SYTL3: variants seen among roughly 807,000 people sequenced by gnomAD.
The protein encoded by SYTL3 is synaptotagmin-like protein 3.
Under a neutral mutation model 82.1 loss-of-function variants are expected in SYTL3, and 88 were observed. The observed-to-expected ratio is 1.07, with a 90% confidence interval of 0.90 to 1.28. SYTL3 has a LOEUF of 1.28. Among genes scored for constraint, SYTL3 ranks in the 50% most tolerant of loss-of-function variants. The pLI is 0.00. For synonymous variants in SYTL3, 311 were observed against 289.4 expected (o/e 1.07, Z -0.76); for missense variants, 831 against 757.6 (o/e 1.10, Z -1.14).
At chr6:158,762,724 C>T (rs77380797) in intron 16 of SYTL3, among the ~76,000 whole-genome samples, 15,831 of 152,040 alleles carry the variant, frequency 0.1, 1,450 homozygotes, top group African/African-American at 0.25. Context: ...CAAAACTAGC[C>T]TGGCCAACAT....
intron 5 of SYTL3, 71 bp downstream of exon 5, chr6:158,665,684 C>T: frequency 8.4e-7 from 1 of 1,193,472 alleles, no homozygotes; most frequent in Admixed American, 2.5e-5. Context: ...ACAAACCGCT[C>T]ATAAAGAGAG....
intron 17 of SYTL3, among the ~76,000 whole-genome samples, chr6:158,763,754 G>C (rs1278149886): frequency 6.6e-6 from 1 of 152,108 alleles, no homozygotes; most frequent in Non-Finnish European, 1.5e-5. Context: ...CCTCCAAACG[G>C]GCTAGGTACA....
At chr6:158,712,100 T>C (rs1782824069) in intron 8 of SYTL3, among the ~76,000 whole-genome samples, 1 of 152,170 alleles carries the variant, frequency 6.6e-6, no homozygotes, top group Non-Finnish European at 1.5e-5. Context: ...AGTTCAAAGC[T>C]GAAAGCCTCA....
At chr6:158,761,618 A>G (rs1036244696) in intron 15 of SYTL3, among the ~76,000 whole-genome samples, 2 of 152,088 alleles carry the variant, frequency 1.3e-5, no homozygotes, top group South Asian at 2.1e-4. Context: ...CAGAATGCAC[A>G]TTTCTGTTGT....
chr6:158,747,146 C>G (rs1787767093), intron 12 of SYTL3, among the ~76,000 whole-genome samples: 1 of 151,800 alleles, frequency 6.6e-6, no homozygotes, highest in Non-Finnish European at 1.5e-5. Flanking sequence ...GCCACCACAC[C>G]TGGCTAATTT....
intron 12 of SYTL3, among the ~76,000 whole-genome samples, chr6:158,746,889 A>G (rs1787737957): frequency 6.6e-6 from 1 of 152,020 alleles, no homozygotes; most frequent in Non-Finnish European, 1.5e-5. Flanking sequence ...CTCAGACTCA[A>G]GCAGTTCTCC....
At chr6:158,664,067 G>A (rs1321123170) in intron 4 of SYTL3, among the ~76,000 whole-genome samples, 1 of 152,160 alleles carries the variant, frequency 6.6e-6, no homozygotes, top group African/African-American at 2.4e-5. Flanking sequence ...ACAGGTTGGC[G>A]CTTGTTTATC....
At chr6:158,653,052 G>A (rs1367009870) in intron 2 of SYTL3, among the ~76,000 whole-genome samples, 1 of 152,182 alleles carries the variant, frequency 6.6e-6, no homozygotes, top group Non-Finnish European at 1.5e-5. Flanking sequence ...ATGTATAAAC[G>A]CACATCTTCA....
intron 2 of SYTL3, among the ~76,000 whole-genome samples, chr6:158,657,155 G>A (rs112077960): frequency 1.2e-4 from 18 of 152,240 alleles, no homozygotes; most frequent in African/African-American, 4.1e-4. Flanking sequence ...GCCGGGCACG[G>A]TGACTCATGC....
chr6:158,732,222 T>C (rs1785495362), intron 11 of SYTL3, among the ~76,000 whole-genome samples: 1 of 152,160 alleles, frequency 6.6e-6, no homozygotes, highest in Non-Finnish European at 1.5e-5. Flanking sequence ...ATATATCCAT[T>C]TCACCAAAAG....
chr6:158,686,906 C>G (rs79618584), intron 6 of SYTL3, among the ~76,000 whole-genome samples: 4 of 152,208 alleles, frequency 2.6e-5, no homozygotes, highest in Non-Finnish European at 5.9e-5. Flanking sequence ...GAAGCCCCCA[C>G]TGGACCCTAA....
intron 13 of SYTL3, among the ~76,000 whole-genome samples, chr6:158,756,727 T>C (rs1403256790): frequency 3.4e-5 from 5 of 144,956 alleles, no homozygotes; most frequent in Non-Finnish European, 7.6e-5. Context: ...AAATTTTTTT[T>C]TTTTTTTTTT....
intron 10 of SYTL3, among the ~76,000 whole-genome samples, chr6:158,720,900 G>C (rs1268988821): frequency 6.6e-6 from 1 of 152,182 alleles, no homozygotes; most frequent in Non-Finnish European, 1.5e-5. Flanking sequence ...CTGTGTGGTG[G>C]CTCATCCCAC....
intron 2 of SYTL3, among the ~76,000 whole-genome samples, chr6:158,653,882 T>A (rs1788354717): frequency 6.6e-6 from 1 of 152,354 alleles, no homozygotes; most frequent in South Asian, 2.1e-4. Flanking sequence ...TTTGATCTGA[T>A]GACTGACTGC....
At chr6:158,652,690 C>T (rs1257479183) in intron 2 of SYTL3, among the ~76,000 whole-genome samples, 1 of 152,010 alleles carries the variant, frequency 6.6e-6, no homozygotes, top group African/African-American at 2.4e-5. Context: ...TACAGGTGCC[C>T]ACCACCATGC....
chr6:158,663,182 T>A lies in SYTL3; in HGVS notation c.-87T>A, dbSNP rs1789566067. ...CTCTTTAAACAAGGCTGGCTGCAGC[T>A]GGCCTCCGCCGCTCATCTGCAGGGC... On this transcript the variant is annotated 5_prime_UTR_variant, in exon 4 of 18. Transcript: ENST00000611299. 2.2e-5 allele frequency: 26 copies of A among 1,168,404 alleles called. 1 individual carries two copies. The South Asian group carries it at 3.4e-4, about 15-fold the overall frequency. 72.4% of individuals were successfully genotyped at this position (1,168,404 alleles called of 1,614,324 possible).
intron 6 of SYTL3, among the ~76,000 whole-genome samples, chr6:158,693,389 T>C (rs1780132187): frequency 6.6e-6 from 1 of 152,048 alleles, no homozygotes; most frequent in South Asian, 2.1e-4. Flanking sequence ...GGCTAATTTG[T>C]TTTGTTTTGT....
intron 12 of SYTL3, among the ~76,000 whole-genome samples, chr6:158,748,074 T>C (rs1018373915): frequency 3.6e-5 from 4 of 110,048 alleles, no homozygotes; most frequent in Middle Eastern, 8.3e-3. Flanking sequence ...CTTCTTATCG[T>C]TTTTTTTTTT....
intron 11 of SYTL3, among the ~76,000 whole-genome samples, chr6:158,728,713 G>T (rs1008145575): frequency 1.3e-5 from 2 of 151,756 alleles, no homozygotes; most frequent in Admixed American, 6.6e-5. Context: ...GGCCAAGGCG[G>T]GTGGATCATG....
Sources: allele counts gnomAD v4.1 joint callset (sites outside exome capture counted in the v4.1 genomes callset), GRCh38; gene constraint gnomAD v4.1.1; transcripts MANE v1.5; gene names NCBI Gene and HGNC (gene_info 2026-07-23, HGNC 2026-07-21).